FHIT: variants seen among roughly 807,000 people sequenced by gnomAD.
FHIT encodes the protein fragile histidine triad diadenosine triphosphatase.
A neutral mutation model predicts 17.9 loss-of-function variants in FHIT; 19 were observed. The ratio of observed to expected loss-of-function variants is 1.06; its 90% CI spans 0.74 to 1.56. The LOEUF (loss-of-function observed/expected upper bound fraction) is 1.56. Among genes scored for constraint, FHIT ranks in the 40% most tolerant of loss-of-function variants. The pLI, the probability that FHIT is intolerant of heterozygous loss-of-function variation, is 0.00. For missense variants in FHIT, 248 were observed against 189.2 expected (o/e 1.31, Z -1.82); for synonymous variants, 81 against 69.7 (o/e 1.16, Z -0.81).
chr3:60,720,701 G>A (rs1224361833), intron 4 of FHIT, among the ~76,000 whole-genome samples: 4 of 152,068 alleles, frequency 2.6e-5, no homozygotes, highest in Admixed American at 2.0e-4. Flanking sequence ...AGATTCTAAC[G>A]TACAGCCAAA....
intron 4 of FHIT, among the ~76,000 whole-genome samples, chr3:60,764,964 G>A (rs1223532848): frequency 6.6e-6 from 1 of 152,150 alleles, no homozygotes; most frequent in Non-Finnish European, 1.5e-5. Context: ...AGCTACGCAA[G>A]CCATCAGATA....
chr3:60,739,597 C>T (rs1419811905), intron 4 of FHIT, among the ~76,000 whole-genome samples: 1 of 152,182 alleles, frequency 6.6e-6, no homozygotes, highest in African/African-American at 2.4e-5. Flanking sequence ...CTGTCCTGTG[C>T]ATTGCAGGAT....
chr3:59,872,449 G>A (rs375449907), intron 8 of FHIT, among the ~76,000 whole-genome samples: 2 of 152,272 alleles, frequency 1.3e-5, no homozygotes, highest in East Asian at 1.9e-4. Context: ...TTTATGTGAG[G>A]AGTAGAAGAC....
chr3:61,214,685 C>T (rs577175191), intron 1 of FHIT, among the ~76,000 whole-genome samples: 1 of 152,174 alleles, frequency 6.6e-6, no homozygotes, highest in Non-Finnish European at 1.5e-5. Context: ...GATACCAAAG[C>T]CTGGCAGAGA....
At chr3:60,571,208 C>T (rs572183755) in intron 4 of FHIT, among the ~76,000 whole-genome samples, 9 of 151,332 alleles carry the variant, frequency 5.9e-5, no homozygotes, top group Non-Finnish European at 1.2e-4. Context: ...TGGTGATGTG[C>T]GCCTGTAATC....
At chr3:61,070,524 C>A (rs998380339) in intron 2 of FHIT, among the ~76,000 whole-genome samples, 4 of 152,168 alleles carry the variant, frequency 2.6e-5, no homozygotes, top group African/African-American at 9.7e-5. Flanking sequence ...GCTTCTAATT[C>A]ATTTGTCTTT....
chr3:60,200,608 A>G (rs1397553671), intron 5 of FHIT, among the ~76,000 whole-genome samples: 1 of 152,090 alleles, frequency 6.6e-6, no homozygotes, highest in Non-Finnish European at 1.5e-5. Context: ...CTCTAGGGAC[A>G]GCATTAAACT....
At position 59,906,283 on chromosome 3, in the gene FHIT, G is replaced by T. The variant is rs74736581; in HGVS notation, c.348+16063C>A. On this transcript the variant is annotated intron_variant, in intron 8 of 9. Coordinates refer to ENST00000492590, the MANE Select transcript of FHIT (RefSeq NM_002012.4). ...AACTTCTTGCATAAAATCAGTCTTT[G>T]TAATTTCCTAGACTTCAAGGGCATT... is the stretch of plus-strand genomic sequence containing the variant. 4.2e-4 allele frequency among the ~76,000 whole-genome samples: 64 copies of T among 152,284 alleles called. 1 individual carries two copies. In the East Asian group the frequency reaches 0.012, roughly 29 times the overall value.
intron 5 of FHIT, among the ~76,000 whole-genome samples, chr3:60,407,924 T>A (rs1259230901): frequency 2.0e-5 from 3 of 151,968 alleles, no homozygotes; most frequent in Non-Finnish European, 4.4e-5. Flanking sequence ...AAATGAAGAG[T>A]ATCACACAAC....
intron 3 of FHIT, among the ~76,000 whole-genome samples, chr3:60,831,678 T>C (rs1408756038): frequency 6.6e-6 from 1 of 151,822 alleles, no homozygotes; most frequent in Non-Finnish European, 1.5e-5. Flanking sequence ...TCATATATTA[T>C]CTAATTTAAT....
intron 2 of FHIT, among the ~76,000 whole-genome samples, chr3:61,129,326 A>G (rs1442046630): frequency 2.6e-5 from 4 of 152,194 alleles, no homozygotes; most frequent in Non-Finnish European, 4.4e-5. Flanking sequence ...ATCTAAATAC[A>G]TGCATAATTT....
At chr3:59,864,443 T>C (rs1318486938) in intron 8 of FHIT, among the ~76,000 whole-genome samples, 1 of 152,100 alleles carries the variant, frequency 6.6e-6, no homozygotes, top group Non-Finnish European at 1.5e-5. Flanking sequence ...GAACTGTAAG[T>C]CCAATTAAAC....
At chr3:60,387,024 T>TTTTTTTTTTC (rs1701039255) in intron 5 of FHIT, among the ~76,000 whole-genome samples, 1 of 31,020 alleles carries the variant, frequency 3.2e-5, no homozygotes, top group African/African-American at 8.1e-5. Context: ...CTATTTATTC[T>TTTTTTTTTTC]TTTTTTTTTT....
chr3:61,045,900 A>G (rs1182446196), intron 2 of FHIT, among the ~76,000 whole-genome samples: 1 of 152,250 alleles, frequency 6.6e-6, no homozygotes, highest in Non-Finnish European at 1.5e-5. Flanking sequence ...CTGGGCACAT[A>G]ACGAAATGAA....
chr3:60,135,409 A>G (rs1463228990), intron 5 of FHIT, among the ~76,000 whole-genome samples: 1 of 152,172 alleles, frequency 6.6e-6, no homozygotes, highest in East Asian at 1.9e-4. Context: ...CTCTATCCCT[A>G]CACCCTGGAG....
At chr3:60,083,585 A>G (rs1386861837) in intron 5 of FHIT, among the ~76,000 whole-genome samples, 1 of 152,124 alleles carries the variant, frequency 6.6e-6, no homozygotes, top group African/African-American at 2.4e-5. Flanking sequence ...CCATGAGCAT[A>G]CTGTGCGGTC....
At chr3:60,011,524 T>C in intron 6 of FHIT, 124 bp from the exon 7 acceptor site, 2 of 816,370 alleles carry the variant, frequency 2.4e-6, no homozygotes, top group East Asian at 2.6e-5. Context: ...AGTATTCTCA[T>C]GGGGACCATT....
intron 2 of FHIT, among the ~76,000 whole-genome samples, chr3:61,109,642 G>A (rs1186759861): frequency 6.6e-6 from 1 of 152,112 alleles, no homozygotes; most frequent in Non-Finnish European, 1.5e-5. Flanking sequence ...CCCCACTGAA[G>A]TTGATAGGTG....
chr3:60,391,691 G>A (rs1701240788), intron 5 of FHIT, among the ~76,000 whole-genome samples: 2 of 152,166 alleles, frequency 1.3e-5, no homozygotes, highest in Admixed American at 6.5e-5. Flanking sequence ...TAGCCTACAT[G>A]TGCAGTAGGT....
Sources: gnomAD v4.1 joint callset for allele counts (sites outside exome capture counted in the v4.1 genomes callset) on GRCh38, gnomAD v4.1.1 for gene constraint, MANE v1.5 for transcripts, NCBI Gene and HGNC (gene_info 2026-07-23, HGNC 2026-07-21) for gene names.